Variants in CACNA2D3 observed in about 807,000 individuals in gnomAD.
The protein encoded by CACNA2D3 is voltage-dependent calcium channel subunit alpha-2/delta-3.
In CACNA2D3, 60 loss-of-function variants were observed where a neutral mutation model predicts 160.6. That is an observed-to-expected ratio of 0.37 (90% CI 0.30 to 0.46). The LOEUF (loss-of-function observed/expected upper bound fraction) is 0.46, where lower values mean the gene tolerates loss of function less well. CACNA2D3 is among the 20% of genes least tolerant of loss of function. The pLI, the probability that CACNA2D3 is intolerant of heterozygous loss-of-function variation, is 1.00. For synonymous variants in CACNA2D3, 558 were observed against 492.9 expected (o/e 1.13, Z -1.75); for missense variants, 1,205 against 1,365.0 (o/e 0.88, Z 1.85).
chr3:54,927,132 T>C (rs1439369693), intron 27 of CACNA2D3, among the ~76,000 whole-genome samples: 1 of 152,256 alleles, frequency 6.6e-6, no homozygotes, highest in African/African-American at 2.4e-5. Context: ...GATTGTTTGC[T>C]TGCTTGCTTG....
chr3:54,816,968 AAT>A (rs1289770330), intron 14 of CACNA2D3, 98 bp downstream of exon 14: 24 of 1,424,480 alleles, frequency 1.7e-5, no homozygotes, highest in Middle Eastern at 1.8e-4. Flanking sequence ...TGACCAGTGA[AAT>A]GGTTTTTTTC....
chr3:55,018,376 C>T (rs1220237112), intron 35 of CACNA2D3, 59 bp downstream of exon 35: 1 of 1,020,026 alleles, frequency 9.8e-7, no homozygotes, highest in Non-Finnish European at 1.5e-6. Context: ...CAGAACTTTC[C>T]CAGATGGGTC....
At chr3:54,218,925 G>C (rs200987877) in intron 2 of CACNA2D3, among the ~76,000 whole-genome samples, 1 of 152,138 alleles carries the variant, frequency 6.6e-6, no homozygotes, top group East Asian at 1.9e-4. Flanking sequence ...AGTCCACCCA[G>C]ATAATCCAGG....
intron 29 of CACNA2D3, among the ~76,000 whole-genome samples, chr3:54,970,450 C>A (rs1349207685): frequency 8.3e-6 from 1 of 120,800 alleles, no homozygotes; most frequent in Non-Finnish European, 1.9e-5. Context: ...CTCCCCTCCC[C>A]TCCTCTCCTC....
rs144161412 is a variant in CACNA2D3 at position 54,909,981 on chromosome 3, C to T, written c.2449+10113C>T. Among the ~76,000 whole-genome samples the T allele has an allele frequency of 9.5e-3, 1,451 of 152,218 alleles. 33 individuals carry two copies. The highest frequency in any genetic ancestry group is 0.032 in the African/African-American group (1,333 of 41,540). ...TCTTGCCTGAGGAAAATGCTTTGAT[C>T]AGTGTCTGGTGGGAAAGGGACAGTG... On this transcript the variant is annotated intron_variant, in intron 27 of 37. Transcript: ENST00000474759.
chr3:54,286,875 G>A (rs1013730301), intron 2 of CACNA2D3, among the ~76,000 whole-genome samples: 1 of 152,088 alleles, frequency 6.6e-6, no homozygotes, highest in African/African-American at 2.4e-5. Context: ...ACAAGCAAAT[G>A]CTGAGAGATT....
At position 54,891,336 on chromosome 3, in the gene CACNA2D3, G is replaced by T; in HGVS notation, c.2151-19G>T. 1 of 1,592,186 alleles carries T rather than the reference G, an allele frequency of 6.3e-7. No individual in the cohort carries two copies. The highest frequency in any genetic ancestry group is 8.6e-7 in the Non-Finnish European group (1 of 1,160,322). ...TACTGTCTAGAGGCCTCCCCCTGAC[G>T]TCTGTTGTTCTGTTTCAGAAATTCT... On this transcript the variant is annotated intron_variant, in intron 24 of 37. Transcript: ENST00000474759.
intron 4 of CACNA2D3, among the ~76,000 whole-genome samples, chr3:54,414,158 G>T (rs1382035984): frequency 6.6e-6 from 1 of 151,944 alleles, no homozygotes; most frequent in East Asian, 1.9e-4. Context: ...GCAGCCTCCA[G>T]TTTGATCTTG....
chr3:54,171,136 C>CTTTTTTTTTTTTTTTTTTTTTG, intron 2 of CACNA2D3, among the ~76,000 whole-genome samples: 1 of 62,542 alleles, frequency 1.6e-5, no homozygotes, highest in Non-Finnish European at 2.9e-5. Context: ...AAGATGATGA[C>CTTTTTTTTTTTTTTTTTTTTTG]TTTTTTTTTT....
chr3:54,804,566 C>A (rs1298344402), intron 13 of CACNA2D3, among the ~76,000 whole-genome samples: 2 of 152,112 alleles, frequency 1.3e-5, no homozygotes, highest in Non-Finnish European at 1.5e-5. Flanking sequence ...CTTGAGTGAC[C>A]TACAAAGAGA....
At chr3:54,481,866 A>G (rs1414917228) in intron 4 of CACNA2D3, among the ~76,000 whole-genome samples, 1 of 152,216 alleles carries the variant, frequency 6.6e-6, no homozygotes, top group Non-Finnish European at 1.5e-5. Context: ...ACGTTACCAT[A>G]TTGGCTCTAT....
At chr3:54,183,777 C>G (rs529798812) in intron 2 of CACNA2D3, among the ~76,000 whole-genome samples, 2 of 149,638 alleles carry the variant, frequency 1.3e-5, no homozygotes, top group Non-Finnish European at 3.0e-5. Flanking sequence ...CCCAGCTACT[C>G]GGGAGGCTGA....
intron 2 of CACNA2D3, among the ~76,000 whole-genome samples, chr3:54,124,942 C>G (rs559790221): frequency 6.6e-6 from 1 of 152,184 alleles, no homozygotes. Context: ...TGCCTCTTTC[C>G]CTAGTATTCT....
chr3:54,661,086 G>C (rs902956122), intron 11 of CACNA2D3, among the ~76,000 whole-genome samples: 1 of 152,154 alleles, frequency 6.6e-6, no homozygotes, highest in Admixed American at 6.5e-5. Context: ...CGAACTGAAA[G>C]TAAGATGTCG....
intron 29 of CACNA2D3, among the ~76,000 whole-genome samples, chr3:54,977,479 C>G (rs1702415597): frequency 6.6e-6 from 1 of 152,116 alleles, no homozygotes; most frequent in Admixed American, 6.5e-5. Flanking sequence ...CAGTATTAGG[C>G]AAACAGAAAG....
chr3:54,372,225 AG>A (rs1477577056), intron 3 of CACNA2D3, among the ~76,000 whole-genome samples: 1 of 152,260 alleles, frequency 6.6e-6, no homozygotes, highest in African/African-American at 2.4e-5. Flanking sequence ...AATTAACTTC[AG>A]CTACGTGGAA....
chr3:54,777,872 G>A (rs1277443344), intron 13 of CACNA2D3, among the ~76,000 whole-genome samples: 1 of 152,196 alleles, frequency 6.6e-6, no homozygotes, highest in Non-Finnish European at 1.5e-5. Flanking sequence ...GACTTTTTCT[G>A]TCTGCCTCTG....
intron 9 of CACNA2D3, among the ~76,000 whole-genome samples, chr3:54,623,199 C>T (rs536062403): frequency 6.6e-6 from 1 of 151,934 alleles, no homozygotes; most frequent in East Asian, 1.9e-4. Flanking sequence ...CTTGTTGTCC[C>T]CATCCTGTCC....
intron 14 of CACNA2D3, among the ~76,000 whole-genome samples, chr3:54,833,905 G>A (rs1474784279): frequency 6.6e-6 from 1 of 152,190 alleles, no homozygotes; most frequent in Non-Finnish European, 1.5e-5. Context: ...ATTGGGGCCA[G>A]AACTGCCCCT....
Sources: allele counts gnomAD v4.1 joint callset (sites outside exome capture counted in the v4.1 genomes callset), GRCh38; gene constraint gnomAD v4.1.1; transcripts MANE v1.5; gene names NCBI Gene and HGNC (gene_info 2026-07-23, HGNC 2026-07-21).